RALB: variants seen among roughly 807,000 people sequenced by gnomAD.
RALB encodes the protein ras-related protein Ral-B.
In RALB, 16 loss-of-function variants were observed where a neutral mutation model predicts 21.3. The ratio of observed to expected loss-of-function variants is 0.75; its 90% CI spans 0.51 to 1.14. The LOEUF (loss-of-function observed/expected upper bound fraction) is 1.14, where lower values mean the gene tolerates loss of function less well. RALB is among the 50% of genes most tolerant of loss of function. The pLI is 0.00. For synonymous variants in RALB, 93 were observed against 96.1 expected, an observed-to-expected ratio of 0.97 and a Z score of 0.19; for missense variants, 161 against 256.2, an observed-to-expected ratio of 0.63 and a Z score of 2.54.
In RALB at chr2:120,246,505, C is replaced by T. The variant is rs375225984; in HGVS notation, c.19+6380C>T. On this transcript the variant is annotated intron_variant, in intron 1 of 3. Transcript: ENST00000447591. ...AGCACAGCCGAACGTCTAACAGTGC[C>T]AAGCCCACCACCAACATCCTTTCCT... Among the ~76,000 whole-genome samples the T allele has an allele frequency of 2.0e-5, 3 of 152,358 alleles. No individual in the cohort carries two copies. In the East Asian group the frequency reaches 5.8e-4, roughly 29 times the overall value.
At chr2:120,281,654 A>G (rs1253755777) in intron 2 of RALB, among the ~76,000 whole-genome samples, 2 of 152,178 alleles carry the variant, frequency 1.3e-5, no homozygotes, top group Non-Finnish European at 1.5e-5. Context: ...AAACTGGATA[A>G]ATCTAATGTA....
At chr2:120,289,281 T>C (rs1355070200) in intron 3 of RALB, among the ~76,000 whole-genome samples, 1 of 144,848 alleles carries the variant, frequency 6.9e-6, no homozygotes, top group East Asian at 1.9e-4. Flanking sequence ...GGGGACCCTG[T>C]TGTGACGTAA....
At chr2:120,242,874 G>C (rs1026264021) in intron 1 of RALB, among the ~76,000 whole-genome samples, 2 of 152,142 alleles carry the variant, frequency 1.3e-5, no homozygotes, top group Non-Finnish European at 2.9e-5. Flanking sequence ...CCATGAGTTC[G>C]AGACTAGCCT....
chr2:120,263,979 G>A (rs1395314808), intron 1 of RALB, among the ~76,000 whole-genome samples: 1 of 151,666 alleles, frequency 6.6e-6, no homozygotes, highest in Non-Finnish European at 1.5e-5. Context: ...CTCCCTGGGA[G>A]CTGGGATTAC....
chr2:120,288,920 T>C (rs1272966060), intron 3 of RALB, among the ~76,000 whole-genome samples: 3 of 152,248 alleles, frequency 2.0e-5, no homozygotes, highest in Non-Finnish European at 4.4e-5. Flanking sequence ...GACATACTTG[T>C]CGTGTACACA....
At chr2:120,291,146 C>T (rs1049333772) in intron 4 of RALB, among the ~76,000 whole-genome samples, 2 of 152,154 alleles carry the variant, frequency 1.3e-5, no homozygotes, top group East Asian at 1.9e-4. Flanking sequence ...TTGCTTTAGA[C>T]GCACTTCGGC....
At chr2:120,263,995 C>G (rs879615450) in intron 1 of RALB, among the ~76,000 whole-genome samples, 6 of 151,190 alleles carry the variant, frequency 4.0e-5, no homozygotes, top group Non-Finnish European at 5.9e-5. Flanking sequence ...ATTACAGATG[C>G]ACGCCACCAC....
chr2:120,268,994 T>G lies in RALB; in HGVS notation c.-47-9624T>G, dbSNP rs757183658. ...TTTTCTGCACGTTTCTGATAGAATT[T>G]GGATCATTGCCATTTTGTACCTCCT... On this transcript the variant is annotated intron_variant, in intron 1 of 4. Transcript: ENST00000272519. Among the ~76,000 whole-genome samples the G allele has an allele frequency of 5.8e-4, 89 of 152,356 alleles. 1 individual carries two copies. Among genetic ancestry groups the G allele is most frequent in the Middle Eastern group, 3.4e-3 (1 of 294 alleles).
In RALB at chr2:120,289,586, G is replaced by A. The variant is rs1252925692; in HGVS notation, c.330G>A (p.Gln110=). The A allele has an allele frequency of 1.4e-5, 23 of 1,613,932 alleles. No individual in the cohort carries two copies. The highest frequency in any genetic ancestry group is 1.7e-5 in the Non-Finnish European group (20 of 1,179,852). The change falls in exon 4 of 5, where the codon CAG becomes CAA. Residue 110 remains glutamine, a synonymous_variant. Coordinates refer to ENST00000272519, the MANE Select transcript of RALB (RefSeq NM_002881.3). ...TTTTGGTGTAACACCTTAGGGAACA[G>A]ATTCTCCGTGTGAAGGCTGAAGAAG... ...SFTATAEFRE[Q]ILRVKAEEDK...
chr2:120,244,221 G>A (rs1458811299), intron 1 of RALB, among the ~76,000 whole-genome samples: 1 of 152,200 alleles, frequency 6.6e-6, no homozygotes, highest in Admixed American at 6.5e-5. Context: ...CCCCAATATG[G>A]AGATTGCAAT....
At chr2:120,277,392 TGTGA>T (rs1277422152) in intron 1 of RALB, among the ~76,000 whole-genome samples, 1 of 151,122 alleles carries the variant, frequency 6.6e-6, no homozygotes, top group Admixed American at 6.6e-5. Flanking sequence ...AACATGTATG[TGTGA>T]GAGCATGTGA....
chr2:120,269,263 A>G (rs932496141), intron 1 of RALB, among the ~76,000 whole-genome samples: 2 of 152,186 alleles, frequency 1.3e-5, no homozygotes, highest in Non-Finnish European at 2.9e-5. Context: ...CGGTGGGTTC[A>G]TGGTCTCACT....
intron 4 of RALB, among the ~76,000 whole-genome samples, chr2:120,290,339 A>G (rs1029841637): frequency 2.2e-4 from 34 of 152,118 alleles, no homozygotes; most frequent in Non-Finnish European, 8.8e-5. Context: ...GGACGAGGCC[A>G]TTGGTTTGTG....
intron 1 of RALB, chr2:120,253,813 G>A: frequency 1.6e-6 from 1 of 642,008 alleles, no homozygotes; most frequent in Non-Finnish European, 1.9e-6. Context: ...TTGCTCATCT[G>A]GGTTACCTGT....
chr2:120,243,818 C>G (rs1214246787), intron 1 of RALB, among the ~76,000 whole-genome samples: 1 of 152,116 alleles, frequency 6.6e-6, no homozygotes, highest in African/African-American at 2.4e-5. Flanking sequence ...TGTGGCAAGT[C>G]TAGTCTTAGG....
chr2:120,267,297 G>A (rs999132333), intron 1 of RALB, among the ~76,000 whole-genome samples: 60 of 152,202 alleles, frequency 3.9e-4, no homozygotes, highest in African/African-American at 1.4e-3. Flanking sequence ...GCATACAGGA[G>A]GGCTAATTAG....
chr2:120,260,975 G>A (rs1252512243), intron 1 of RALB, among the ~76,000 whole-genome samples: 1 of 152,240 alleles, frequency 6.6e-6, no homozygotes, highest in Non-Finnish European at 1.5e-5. Flanking sequence ...TGTGGGGTCT[G>A]TGGGTCAGGA....
At position 120,261,682 on chromosome 2, in the gene RALB, A is replaced by G. The variant is rs577588230; in HGVS notation, c.-48+8702A>G. Among the ~76,000 whole-genome samples, 18 of 152,158 alleles carry G rather than the reference A, an allele frequency of 1.2e-4. 1 individual carries two copies. The South Asian group carries it at 3.7e-3, about 32-fold the overall frequency. On this transcript the variant is annotated intron_variant, in intron 1 of 4. Transcript: ENST00000272519. ...GAAAACAGTGAGTGAGATGGAGGGG[A>G]AGGGAGCAGGGAGATGAGGTATCTG...
intron 3 of RALB, among the ~76,000 whole-genome samples, chr2:120,288,498 T>C (rs372376709): frequency 1.3e-5 from 2 of 152,002 alleles, no homozygotes; most frequent in Middle Eastern, 3.2e-3. Flanking sequence ...ATTTTTATTA[T>C]TGTGAAATGT....
Sources: gnomAD v4.1 joint callset for allele counts (sites outside exome capture counted in the v4.1 genomes callset) on GRCh38, gnomAD v4.1.1 for gene constraint, MANE v1.5 for transcripts, NCBI Gene and HGNC (gene_info 2026-07-23, HGNC 2026-07-21) for gene names.